The following DNM2 variants were observed in gnomAD, a reference collection of about 807,000 sequenced individuals.
DNM2 encodes the protein dynamin 2.
In DNM2, 15 loss-of-function variants were observed where a neutral mutation model predicts 99.0. That is an observed-to-expected ratio of 0.15 (90% CI 0.10 to 0.23). DNM2 has a LOEUF of 0.23. Among genes scored for constraint, DNM2 ranks in the 10% least tolerant of loss-of-function variants. DNM2 has a pLI of 1.00. For missense variants in DNM2, 742 were observed against 1,189.4 expected (o/e 0.62, Z 5.53); for synonymous variants, 525 against 481.2 (o/e 1.09, Z -1.19).
In DNM2 at chr19:10,830,226, C is replaced by T. The variant is rs777834732; in HGVS notation, c.2391C>T (p.Pro797=). ...PTPGPPLIPV[P]VGAAASFSAP... ...CAGGGCCCCCCCTGATTCCTGTTCC[C>T]GTGGGGGCAGCAGCCTCCTTCTCGG... Residue 797 remains proline, a synonymous_variant, in exon 20 of 21, where the codon CCC becomes CCT. Coordinates refer to ENST00000389253, the MANE Select transcript of DNM2 (RefSeq NM_001005361.3). This position sits in a 1 kb window ranked among gnomAD's most constrained non-coding sequence, Gnocchi z 4.8. 8 of 1,613,830 alleles carry T rather than the reference C, an allele frequency of 5.0e-6. No individual in the cohort carries two copies. The highest frequency in any genetic ancestry group is 2.2e-5 in the South Asian group (2 of 91,086).
intron 7 of DNM2, 121 bp from the exon 8 acceptor site, chr19:10,793,599 G>A (rs889970129): frequency 1.3e-6 from 2 of 1,571,174 alleles, no homozygotes; most frequent in Non-Finnish European, 1.8e-6. Flanking sequence ...AATATAGACA[G>A]AAGACATTTT....
Position 10,820,233 on chromosome 19 carries a change from G to C in DNM2, c.1781+144G>C. 1 of 760,620 alleles carries C rather than the reference G, an allele frequency of 1.3e-6. No homozygotes were observed. Among genetic ancestry groups the C allele is most frequent in the South Asian group, 1.5e-5 (1 of 65,056 alleles). The allele number at this position is 760,620 out of a possible 1,614,324, so 47.1% of individuals were successfully genotyped here. On this transcript the variant is annotated intron_variant, in intron 16 of 20. Coordinates refer to ENST00000389253, the MANE Select transcript of DNM2 (RefSeq NM_001005361.3). The surrounding 1 kb of genome is among the most constrained non-coding windows in gnomAD (Gnocchi z 4.3). ...CAGCTTTTAGAAAGGGGAGTCACGT[G>C]AGAAATAGCAAATGCCAGGGATGCT...
rs2072783082 is a variant in DNM2, at chr19:10,817,339, A to G, written c.1672-2641A>G. ...CGAATCTTCTATGCGAGGCTCTGCC[A>G]CAGTGGGAAACGGGGTGGTGGAAAA... On this transcript the variant is annotated intron_variant, in intron 15 of 20. Coordinates refer to ENST00000389253, the MANE Select transcript of DNM2 (RefSeq NM_001005361.3). This position sits in a 1 kb window ranked among gnomAD's most constrained non-coding sequence, Gnocchi z 4.6. 4.4e-6 allele frequency: 2 copies of G among 455,262 alleles called. No homozygotes were observed. The highest frequency in any genetic ancestry group is 9.0e-6 in the Non-Finnish European group (2 of 222,264). The allele number at this position is 455,262 out of a possible 1,614,324, so 28.2% of individuals were successfully genotyped here. A position where few individuals can be genotyped will look rare whatever the true frequency, so the allele number is the denominator to read the frequency against.
chr19:10,826,826 G>A (rs2073156348), intron 18 of DNM2, among the ~76,000 whole-genome samples: 1 of 152,224 alleles, frequency 6.6e-6, no homozygotes, highest in African/African-American at 2.4e-5. Context: ...GGTTGAGGCT[G>A]CAGTGAGCCA....
At position 10,760,292 on chromosome 19, in the gene DNM2, C is replaced by T. The variant is rs144049449; in HGVS notation, c.235+481C>T. 3.2e-3 allele frequency among the ~76,000 whole-genome samples: 483 copies of T among 151,830 alleles called. 1 individual carries two copies. Among genetic ancestry groups the T allele is most frequent in the African/African-American group, 0.011 (468 of 41,384 alleles). ...CTGACCTCAAGTGACCCTCTCACTT[C>T]GGCCTCCCTAAGTGCTGGGATTACG... On this transcript the variant is annotated intron_variant, in intron 2 of 20. Coordinates refer to ENST00000389253, the MANE Select transcript of DNM2 (RefSeq NM_001005361.3).
chr19:10,831,191 C>T lies in DNM2; in HGVS notation c.*144C>T. The T allele has an allele frequency of 7.1e-7, 1 of 1,403,122 alleles. No homozygotes were observed. Among genetic ancestry groups the T allele is most frequent in the Middle Eastern group, 2.6e-4 (1 of 3,816 alleles). 86.9% of individuals were successfully genotyped at this position (1,403,122 alleles called of 1,614,324 possible). A position where few individuals can be genotyped will look rare whatever the true frequency, so the allele number is the denominator to read the frequency against. On this transcript the variant is annotated 3_prime_UTR_variant, in exon 21 of 21. Coordinates refer to ENST00000389253, the MANE Select transcript of DNM2 (RefSeq NM_001005361.3). The surrounding 1 kb of genome is among the most constrained non-coding windows in gnomAD (Gnocchi z 4.3). Reference sequence around the variant, plus strand: ...CCTCTTCCTTAACGCTGGCCCCGGTCCAGGGCCGGCCCCTGTGCCTGGCTG... The same window carrying T: ...CCTCTTCCTTAACGCTGGCCCCGGTTCAGGGCCGGCCCCTGTGCCTGGCTG...
At position 10,729,335 on chromosome 19, in the gene DNM2, G is replaced by T. The variant is rs528590436; in HGVS notation, c.161+10932G>T. Among the ~76,000 whole-genome samples the T allele has an allele frequency of 2.8e-4, 43 of 152,100 alleles. No homozygotes were observed. The East Asian group carries it at 6.8e-3, about 24-fold the overall frequency. Reference sequence around the variant, plus strand: ...ATCATGCCACGGCCCTCCAGCCTGGGCAACAAGAGCGAAACTCTATCTCAA... The same window carrying T: ...ATCATGCCACGGCCCTCCAGCCTGGTCAACAAGAGCGAAACTCTATCTCAA... On this transcript the variant is annotated intron_variant, in intron 1 of 20. Coordinates refer to ENST00000389253, the MANE Select transcript of DNM2 (RefSeq NM_001005361.3).
chr19:10,719,717 ATTG>A (rs1444966024), intron 1 of DNM2, among the ~76,000 whole-genome samples: 6 of 152,052 alleles, frequency 3.9e-5, no homozygotes, highest in African/African-American at 7.2e-5. Flanking sequence ...TGTCATTGTT[ATTG>A]TTGTTATCAT....
intron 1 of DNM2, among the ~76,000 whole-genome samples, chr19:10,737,846 G>A (rs898582060): frequency 4.6e-5 from 7 of 152,274 alleles, no homozygotes; most frequent in African/African-American, 1.2e-4. Context: ...ATGGTAGGGC[G>A]GTGCCCCTGG....
intron 1 of DNM2, among the ~76,000 whole-genome samples, chr19:10,727,092 C>T (rs1180447547): frequency 6.6e-6 from 1 of 152,290 alleles, no homozygotes; most frequent in East Asian, 1.9e-4. Context: ...TCTGCCCTAA[C>T]CCCACATGTG....
Position 10,830,963 on chromosome 19 carries a change from T to C in DNM2, c.2544-15T>C. On this transcript the variant is annotated splice_polypyrimidine_tract_variant and intron_variant, in intron 20 of 20. Coordinates refer to ENST00000389253, the MANE Select transcript of DNM2 (RefSeq NM_001005361.3). This position sits in a 1 kb window ranked among gnomAD's most constrained non-coding sequence, Gnocchi z 4.8. ...GCCGTCTCCCCCTCCCCACCTGTCTTTATTCTCTTTGCAGCAGAAGACCCC... is the reference window on the plus strand; with the variant it reads ...GCCGTCTCCCCCTCCCCACCTGTCTCTATTCTCTTTGCAGCAGAAGACCCC... 3.1e-6 allele frequency: 5 copies of C among 1,610,086 alleles called. No individual in the cohort carries two copies. Among genetic ancestry groups the C allele is most frequent in the Non-Finnish European group, 3.4e-6 (4 of 1,178,188 alleles).
chr19:10,779,944 G>A (rs925182215), intron 5 of DNM2, among the ~76,000 whole-genome samples: 4 of 152,068 alleles, frequency 2.6e-5, no homozygotes, highest in Non-Finnish European at 5.9e-5. Flanking sequence ...ATGAGCCACC[G>A]TGCCCAGCCT....
chr19:10,830,345 G>A lies in DNM2; in HGVS notation c.2510G>A (p.Arg837Gln). The A allele has an allele frequency of 6.2e-7, 1 of 1,612,582 alleles. No homozygotes were observed. The highest frequency in any genetic ancestry group is 8.5e-7 in the Non-Finnish European group (1 of 1,179,752). ...CCTCAGATCCCATCTCGGCCAGTTCGGATCCCCCCAGGGATTCCCCCAGGA... is the reference window on the plus strand; with the variant it reads ...CCTCAGATCCCATCTCGGCCAGTTCAGATCCCCCCAGGGATTCCCCCAGGA... ...APPQIPSRPV[R>Q]IPPGIPPGVP... Residue 837 changes from arginine to glutamine, a missense_variant, in exon 20 of 21, where the codon CGG (arginine) becomes CAG (glutamine). Arg to Gln is a conservative substitution (Grantham distance 43). Transcript: ENST00000389253. The surrounding 1 kb of genome is among the most constrained non-coding windows in gnomAD (Gnocchi z 4.8).
In DNM2 at chr19:10,806,056, G is replaced by A. The variant is rs202015612; in HGVS notation, c.1545+89G>A. 1.4e-5 allele frequency: 22 copies of A among 1,542,680 alleles called. 1 individual carries two copies. The East Asian group carries it at 3.9e-4, about 27-fold the overall frequency. ...AAGCCCCCGTGATGGAGCTCGGCCTGTGTAAAGCCCCACCCCACAGCCTCA... is the reference window on the plus strand; with the variant it reads ...AAGCCCCCGTGATGGAGCTCGGCCTATGTAAAGCCCCACCCCACAGCCTCA... On this transcript the variant is annotated intron_variant, in intron 13 of 20. Coordinates refer to ENST00000389253, the MANE Select transcript of DNM2 (RefSeq NM_001005361.3).
At chr19:10,730,246 G>A (rs552516597) in intron 1 of DNM2, among the ~76,000 whole-genome samples, 13 of 152,304 alleles carry the variant, frequency 8.5e-5, no homozygotes, top group African/African-American at 2.4e-4. Context: ...ATGGGAGGCC[G>A]AGGCAACATG....
intron 7 of DNM2, among the ~76,000 whole-genome samples, chr19:10,792,442 A>G (rs1956725285): frequency 6.6e-6 from 1 of 152,204 alleles, no homozygotes; most frequent in Admixed American, 6.5e-5. Context: ...TAGGAAAACT[A>G]AAACGTGAAC....
In DNM2 at chr19:10,808,567, AG is replaced by A; in HGVS notation, c.1549del. Reference sequence around the variant, plus strand: ...CACAACCCTAACTTTGCATATTCAAAGGGGGAGATCCTGGTAAGTACATGCT... The same window carrying A: ...CACAACCCTAACTTTGCATATTCAAAGGGGAGATCCTGGTAAGTACATGCT... On this transcript the variant is annotated splice_acceptor_variant, in intron 13 of 20. Coordinates refer to ENST00000389253, the MANE Select transcript of DNM2 (RefSeq NM_001005361.3). LOFTEE classifies it high-confidence loss of function. 6.2e-7 allele frequency: 1 copy of A among 1,612,426 alleles called. No individual in the cohort carries two copies. Among genetic ancestry groups the A allele is most frequent in the Non-Finnish European group, 8.5e-7 (1 of 1,179,320 alleles).
chr19:10,753,400 C>G, intron 1 of DNM2, among the ~76,000 whole-genome samples: 1 of 119,846 alleles, frequency 8.3e-6, no homozygotes, highest in Non-Finnish European at 1.7e-5. Flanking sequence ...CCCCCTCCCC[C>G]TTCCCTTCCC....
rs780514532 is a variant in DNM2, at chr19:10,802,329, G to C, written c.1464G>C (p.Thr488=). Residue 488 remains threonine (T), a synonymous_variant, in exon 12 of 21, where the codon ACG becomes ACC. Transcript: ENST00000389253. ...LIDIEQSYIN[T]NHEDFIGFAN... The stretch of plus-strand genomic sequence containing the variant: ...ACATTGAGCAGTCCTACATCAACAC[G>C]AACCATGAGGACTTCATCGGGTTTG... 1.9e-6 allele frequency: 3 copies of C among 1,614,122 alleles called. No individual in the cohort carries two copies. In the East Asian group the frequency reaches 6.7e-5, roughly 36 times the overall value.
Sources: allele counts gnomAD v4.1 joint callset (sites outside exome capture counted in the v4.1 genomes callset), GRCh38; gene constraint gnomAD v4.1.1; non-coding constraint Gnocchi (gnomAD v3.1); transcripts MANE v1.5; gene names NCBI Gene and HGNC (gene_info 2026-07-23, HGNC 2026-07-21).